The following DOK7 variants were observed in gnomAD, a reference collection of about 807,000 sequenced individuals.
DOK7 encodes protein Dok-7.
A neutral mutation model predicts 30.7 loss-of-function variants in DOK7; 32 were observed. The ratio of observed to expected loss-of-function variants is 1.04; its 90% CI spans 0.79 to 1.40. DOK7 has a LOEUF of 1.40. DOK7 is among the 40% of genes most tolerant of loss of function. DOK7 has a pLI of 0.00. For synonymous variants in DOK7, 447 were observed against 324.1 expected, an observed-to-expected ratio of 1.38 and a Z score of -4.07; for missense variants, 1,007 against 699.2, an observed-to-expected ratio of 1.44 and a Z score of -4.97.
At chr4:3,487,166 CCTGCAGCTGTGCCCCCAAGCTGTGCCT>C (rs1397928460) in intron 5 of DOK7, among the ~76,000 whole-genome samples, 1 of 152,206 alleles carries the variant, frequency 6.6e-6, no homozygotes, top group Non-Finnish European at 1.5e-5. Flanking sequence ...AGGGCCTCGG[CCTGCAGCTGTGCCCCCAAGCTGTGCCT>C]CTGCAGGTGT....
At chr4:3,478,530 C>T (rs2699430) in intron 4 of DOK7, among the ~76,000 whole-genome samples, 29,656 of 119,428 alleles carry the variant, frequency 0.25, 3,256 homozygotes, top group African/African-American at 0.4. Context: ...ACCTGCAAAC[C>T]GGGCTGGCCC....
chr4:3,476,801 G>A (rs1727123279), intron 4 of DOK7, among the ~76,000 whole-genome samples: 1 of 152,266 alleles, frequency 6.6e-6, no homozygotes, highest in African/African-American at 2.4e-5. Flanking sequence ...GGGATGCGAG[G>A]AGGGGCCTGA....
intron 2 of DOK7, among the ~76,000 whole-genome samples, chr4:3,471,299 G>A (rs1726748438): frequency 6.6e-6 from 1 of 152,252 alleles, no homozygotes; most frequent in African/African-American, 2.4e-5. Flanking sequence ...CTGTCCCCAG[G>A]TCACAGATGA....
intron 2 of DOK7, among the ~76,000 whole-genome samples, chr4:3,468,964 G>A (rs1396977686): frequency 6.7e-6 from 1 of 148,372 alleles, no homozygotes; most frequent in Non-Finnish European, 1.5e-5. Context: ...TGTGGTGCCT[G>A]TATGAGTGTA....
chr4:3,484,557 C>T, intron 4 of DOK7: 1 of 985,502 alleles, frequency 1.0e-6, no homozygotes, highest in Non-Finnish European at 1.2e-6. Flanking sequence ...CACGCGGCCG[C>T]CAGGGCTTCA....
intron 3 of DOK7, among the ~76,000 whole-genome samples, chr4:3,476,048 AGCCTGGCCCCT>A (rs1727033282): frequency 6.9e-6 from 1 of 144,808 alleles, no homozygotes; most frequent in Non-Finnish European, 1.5e-5. Context: ...CACCTGCCCC[AGCCTGGCCCCT>A]GCCCCTGCTG....
Position 3,493,975 on chromosome 4 carries a change from T to C in DOK7, c.*474T>C. ...AGCTACCACAGAGGCTCCGGCCACC[T>C]GGGCTCCACCAGCCCAGCCCCCCTG... is the stretch of plus-strand genomic sequence containing the variant. On this transcript the variant is annotated 3_prime_UTR_variant, in exon 7 of 7. Coordinates refer to ENST00000340083, the MANE Select transcript of DOK7 (RefSeq NM_173660.5). 1.0e-6 allele frequency: 1 copy of C among 988,358 alleles called. No individual in the cohort carries two copies. Among genetic ancestry groups the C allele is most frequent in the Non-Finnish European group, 1.2e-6 (1 of 835,196 alleles). The allele number at this position is 988,358 out of a possible 1,614,324, so 61.2% of individuals were successfully genotyped here.
chr4:3,472,540 G>A (rs73195126), intron 2 of DOK7, among the ~76,000 whole-genome samples: 16,037 of 152,082 alleles, frequency 0.11, 994 homozygotes, highest in South Asian at 0.27. Context: ...TTCCTGCGCC[G>A]TCCTCTCTGC....
intron 2 of DOK7, among the ~76,000 whole-genome samples, chr4:3,463,820 C>T (rs1726117207): frequency 6.6e-6 from 1 of 152,126 alleles, no homozygotes; most frequent in Non-Finnish European, 1.5e-5. Flanking sequence ...CCCTGAGCCC[C>T]CCAGCAGAGC....
chr4:3,500,620 G>C, intron 7 of DOK7: 1 of 1,533,678 alleles, frequency 6.5e-7, no homozygotes, highest in South Asian at 1.2e-5. Flanking sequence ...CTGGGGGACT[G>C]GTGTGGAGGG....
intron 4 of DOK7, among the ~76,000 whole-genome samples, chr4:3,483,328 G>C (rs547407873): frequency 3.3e-5 from 5 of 151,444 alleles, no homozygotes; most frequent in Admixed American, 6.6e-5. Context: ...CCAAGACCGG[G>C]GGGGGCTGGG....
At chr4:3,485,793 C>T (rs1256449098) in intron 5 of DOK7, 135 bp downstream of exon 5, 2 of 1,301,644 alleles carry the variant, frequency 1.5e-6, no homozygotes, top group Non-Finnish European at 2.0e-6. Context: ...GGAACCAGAA[C>T]CTTTCCAGGC....
chr4:3,494,558 C>G, downstream of DOK7: 1 of 978,814 alleles, frequency 1.0e-6, no homozygotes, highest in South Asian at 4.7e-5. Flanking sequence ...TGCCTGGATG[C>G]GAAGTCCCCG....
In DOK7 at chr4:3,494,365, C is replaced by G. The variant is rs1365993868; in HGVS notation, c.*864C>G. The G allele has an allele frequency of 1.0e-6, 1 of 985,510 alleles. No individual in the cohort carries two copies. Among genetic ancestry groups the G allele is most frequent in the African/African-American group, 1.7e-5 (1 of 57,250 alleles). 61.0% of individuals were successfully genotyped at this position (985,510 alleles called of 1,614,324 possible). Reference sequence around the variant, plus strand: ...TGGCTTCCTCTTGCACAGCCTGGAGCCTGCCCTGACCACAGCCCAGCAGCT... The same window carrying G: ...TGGCTTCCTCTTGCACAGCCTGGAGGCTGCCCTGACCACAGCCCAGCAGCT... On this transcript the variant is annotated 3_prime_UTR_variant, in exon 7 of 7. Coordinates refer to ENST00000340083, the MANE Select transcript of DOK7 (RefSeq NM_173660.5).
At chr4:3,495,860 G>A (rs1217566157), downstream of DOK7, among the ~76,000 whole-genome samples, 1 of 152,112 alleles carries the variant, frequency 6.6e-6, no homozygotes, top group African/African-American at 2.4e-5. Context: ...AGGGGGTGTC[G>A]GCCTGTTGTC....
At position 3,493,324 on chromosome 4, in the gene DOK7, G is replaced by C. The variant is rs371172914; in HGVS notation, c.1338G>C (p.Trp446Cys). 4 of 1,603,394 alleles carry C rather than the reference G, an allele frequency of 2.5e-6. No homozygotes were observed. The highest frequency in any genetic ancestry group is 1.1e-5 in the South Asian group (1 of 90,008). The change falls in exon 7 of 7, where the codon TGG becomes TGC. Residue 446 changes from tryptophan (W) to cysteine (C), a missense_variant. Physicochemically the swap from Trp to Cys is radical, Grantham distance 215. Coordinates refer to ENST00000340083, the MANE Select transcript of DOK7 (RefSeq NM_173660.5). ...GQTSAGCPSG[W>C]LGTRRRGLVM... ...CGTCCGCCGGGTGTCCCTCTGGCTG[G>C]CTGGGCACGAGACGGCGGGGCCTGG...
rs374728710 is a variant in DOK7, at chr4:3,494,238, C to T, written c.*737C>T. On this transcript the variant is annotated 3_prime_UTR_variant, in exon 7 of 7. Coordinates refer to ENST00000340083, the MANE Select transcript of DOK7 (RefSeq NM_173660.5). ...CTGCTGGCTCCTGTCTGAACCTCCT[C>T]GCAGGGCCAAAGGCTGGCTTGGCCT... The T allele has an allele frequency of 7.1e-5, 70 of 985,540 alleles. No individual in the cohort carries two copies. The highest frequency in any genetic ancestry group is 6.8e-4 in the East Asian group (6 of 8,802). 61.0% of individuals were successfully genotyped at this position (985,540 alleles called of 1,614,324 possible). A position where few individuals can be genotyped will look rare whatever the true frequency, so the allele number is the denominator to read the frequency against.
Position 3,494,294 on chromosome 4 carries a change from G to A in DOK7, c.*793G>A, listed in dbSNP as rs1240624101. 12 of 985,474 alleles carry A rather than the reference G, an allele frequency of 1.2e-5. No individual in the cohort carries two copies. The highest frequency in any genetic ancestry group is 1.4e-5 in the Non-Finnish European group (12 of 830,062). The allele number at this position is 985,474 out of a possible 1,614,324, so 61.0% of individuals were successfully genotyped here. ...TCCCCTGGCCCAGGCCTCAGCCCCT[G>A]CGTCGGAGGTGGGGCTGTGTTGGGC... On this transcript the variant is annotated 3_prime_UTR_variant, in exon 7 of 7. Transcript: ENST00000340083.
intron 6 of DOK7, among the ~76,000 whole-genome samples, chr4:3,492,523 C>T (rs530637802): frequency 2.6e-5 from 4 of 152,106 alleles, no homozygotes; most frequent in Non-Finnish European, 2.9e-5. Context: ...GGGGCGCAGG[C>T]CGTAGGAGAA....
Sources: allele counts gnomAD v4.1 joint callset (sites outside exome capture counted in the v4.1 genomes callset), GRCh38; gene constraint gnomAD v4.1.1; transcripts MANE v1.5; gene names NCBI Gene and HGNC (gene_info 2026-07-23, HGNC 2026-07-21).